CDH4: variants seen among roughly 807,000 people sequenced by gnomAD.
CDH4 encodes the protein cadherin-4.
Under a neutral mutation model 86.0 loss-of-function variants are expected in CDH4, and 33 were observed. The observed-to-expected ratio is 0.38, with a 90% CI of 0.29 to 0.51. The LOEUF is 0.51. CDH4 is among the 20% of genes least tolerant of loss of function. The pLI is 0.86. For synonymous variants in CDH4, 555 were observed against 549.4 expected (o/e 1.01, Z -0.14); for missense variants, 1,114 against 1,307.4 (o/e 0.85, Z 2.28).
At chr20:61,632,445 C>T (rs2086897704) in intron 2 of CDH4, among the ~76,000 whole-genome samples, 1 of 152,148 alleles carries the variant, frequency 6.6e-6, no homozygotes, top group East Asian at 1.9e-4. Context: ...TGACCCTTGC[C>T]CCATTAAAGG....
At chr20:61,796,301 G>C (rs1019350974) in intron 4 of CDH4, among the ~76,000 whole-genome samples, 5 of 152,012 alleles carry the variant, frequency 3.3e-5, no homozygotes, top group African/African-American at 9.7e-5. Flanking sequence ...CTGCATCCAG[G>C]GCACATGACA....
At chr20:61,870,543 C>T (rs1983760132) in intron 6 of CDH4, among the ~76,000 whole-genome samples, 1 of 152,188 alleles carries the variant, frequency 6.6e-6, no homozygotes. Flanking sequence ...CTGCCATCAT[C>T]CTGCCACCCC....
At chr20:61,372,894 A>C (rs2084848079) in intron 2 of CDH4, among the ~76,000 whole-genome samples, 1 of 152,202 alleles carries the variant, frequency 6.6e-6, no homozygotes, top group Non-Finnish European at 1.5e-5. Context: ...TGAGATTCAA[A>C]GGGCGGAGGC....
chr20:61,508,863 C>T (rs2085760003), intron 2 of CDH4, among the ~76,000 whole-genome samples: 1 of 152,214 alleles, frequency 6.6e-6, no homozygotes, highest in Admixed American at 6.5e-5. Flanking sequence ...AGGGCTTGGG[C>T]TGGGTTGGCA....
chr20:61,291,213 C>T (rs907183965), intron 2 of CDH4, among the ~76,000 whole-genome samples: 8 of 152,182 alleles, frequency 5.3e-5, no homozygotes, highest in Non-Finnish European at 8.8e-5. Context: ...GAATGGTGGC[C>T]TCCAAAAGAT....
intron 2 of CDH4, among the ~76,000 whole-genome samples, chr20:61,707,304 G>A (rs1391273327): frequency 1.3e-5 from 2 of 152,386 alleles, no homozygotes; most frequent in Non-Finnish European, 2.9e-5. Context: ...ACAAGGAAAG[G>A]CCCAACTCTG....
In CDH4 at chr20:61,399,296, C is replaced by A. The variant is rs2085036826; in HGVS notation, c.169+144359C>A. Among the ~76,000 whole-genome samples, 2 of 107,864 alleles carry A rather than the reference C, an allele frequency of 1.9e-5. 1 individual carries two copies. 70.8% of individuals were successfully genotyped at this position (107,864 alleles called of 152,430 possible). On this transcript the variant is annotated intron_variant, in intron 2 of 15. Coordinates refer to ENST00000614565, the MANE Select transcript of CDH4 (RefSeq NM_001794.5). The stretch of plus-strand genomic sequence containing the variant: ...TACAGGCGCCCGCCACCATGCCCGG[C>A]TAATTTTTTGTATTTTTAGTAGAGA...
At chr20:61,395,938 G>A (rs1040993947) in intron 2 of CDH4, among the ~76,000 whole-genome samples, 2 of 152,206 alleles carry the variant, frequency 1.3e-5, no homozygotes, top group South Asian at 2.1e-4. Context: ...AATTGGAGAT[G>A]TTTGGGATGA....
chr20:61,865,905 G>C (rs1023212352), intron 6 of CDH4, among the ~76,000 whole-genome samples: 1 of 149,190 alleles, frequency 6.7e-6, no homozygotes, highest in Non-Finnish European at 1.5e-5. Flanking sequence ...GTAGGTAATG[G>C]CTTAGTTTCC....
At chr20:61,276,516 C>T (rs2084232736) in intron 2 of CDH4, among the ~76,000 whole-genome samples, 1 of 152,186 alleles carries the variant, frequency 6.6e-6, no homozygotes, top group Non-Finnish European at 1.5e-5. Flanking sequence ...TGAGCAGTGG[C>T]TAAATCCCAT....
intron 2 of CDH4, among the ~76,000 whole-genome samples, chr20:61,346,604 C>T (rs183890210): frequency 4.7e-4 from 71 of 151,404 alleles, no homozygotes; most frequent in African/African-American, 1.4e-3. Flanking sequence ...ATTAGCTGGG[C>T]GTGGTGGCAC....
chr20:61,882,880 C>T (rs1287802112), intron 7 of CDH4, among the ~76,000 whole-genome samples: 2 of 150,776 alleles, frequency 1.3e-5, no homozygotes, highest in Non-Finnish European at 3.0e-5. Context: ...AGGTGCCTTT[C>T]CTTCTCTTTT....
At chr20:61,580,109 T>C (rs1385372001) in intron 2 of CDH4, among the ~76,000 whole-genome samples, 1 of 148,102 alleles carries the variant, frequency 6.8e-6, no homozygotes, top group African/African-American at 2.6e-5. Flanking sequence ...ACTTACGGAC[T>C]CTTACACTGC....
chr20:61,743,615 C>T lies in CDH4; in HGVS notation c.222C>T (p.Ser74=). The part of the protein sequence containing the change: ...GTKGTQYETN[S]MDFKVGADGT... ...AGGGGACACAATATGAGACCAACAG[C>T]ATGGACTTCAAAGTTGGGGCAGATG... is the stretch of plus-strand genomic sequence containing the variant. Residue 74 remains serine (S), a synonymous_variant, in exon 3 of 16, where the codon AGC becomes AGT. Transcript: ENST00000614565. 6.3e-7 allele frequency: 1 copy of T among 1,585,742 alleles called. No homozygotes were observed. Among genetic ancestry groups the T allele is most frequent in the Non-Finnish European group, 8.6e-7 (1 of 1,165,138 alleles).
intron 2 of CDH4, among the ~76,000 whole-genome samples, chr20:61,273,455 G>A: frequency 1.5e-5 from 1 of 65,276 alleles, no homozygotes; most frequent in Non-Finnish European, 3.1e-5. Context: ...GCAGTTTGGG[G>A]GAGGACCATG....
intron 2 of CDH4, among the ~76,000 whole-genome samples, chr20:61,483,677 C>A (rs1383825330): frequency 2.0e-5 from 3 of 149,014 alleles, no homozygotes; most frequent in Non-Finnish European, 4.4e-5. Context: ...ACCCGCCCCC[C>A]CCGCCCCGCC....
At chr20:61,883,642 C>T (rs1250965490) in intron 7 of CDH4, among the ~76,000 whole-genome samples, 4 of 152,242 alleles carry the variant, frequency 2.6e-5, no homozygotes, top group East Asian at 1.9e-4. Flanking sequence ...AGGCACGTGG[C>T]CCTCCACAGT....
At chr20:61,463,693 T>C (rs76837124) in intron 2 of CDH4, among the ~76,000 whole-genome samples, 4,659 of 152,166 alleles carry the variant, frequency 0.031, 256 homozygotes, top group African/African-American at 0.1. Context: ...AAAGAAAAAC[T>C]GCACCAGGGC....
chr20:61,929,355 C>T (rs1333232986), intron 12 of CDH4, among the ~76,000 whole-genome samples: 1 of 152,146 alleles, frequency 6.6e-6, no homozygotes, highest in Non-Finnish European at 1.5e-5. Context: ...CCAGGCTGGT[C>T]GTGAACTCCT....
Sources: allele counts gnomAD v4.1 joint callset (sites outside exome capture counted in the v4.1 genomes callset), GRCh38; gene constraint gnomAD v4.1.1; transcripts MANE v1.5; gene names NCBI Gene and HGNC (gene_info 2026-07-23, HGNC 2026-07-21).